DKK2: variants seen among roughly 807,000 people sequenced by gnomAD.
DKK2 encodes the protein dickkopf-related protein 2.
A neutral mutation model predicts 28.1 loss-of-function variants in DKK2; 11 were observed. The ratio of observed to expected loss-of-function variants is 0.39; its 90% CI spans 0.25 to 0.65. The LOEUF (loss-of-function observed/expected upper bound fraction) is 0.65. Ranked by LOEUF, DKK2 falls within the 30% of genes least tolerant of loss-of-function variation. DKK2 has a pLI of 0.47. For synonymous variants in DKK2, 135 were observed against 126.5 expected (o/e 1.07, Z -0.45); for missense variants, 326 against 335.5 (o/e 0.97, Z 0.22).
Position 107,035,952 on chromosome 4 carries a change from C to A in DKK2, c.-361G>T, listed in dbSNP as rs991539402. 9.2e-5 allele frequency: 27 copies of A among 293,052 alleles called. No individual in the cohort carries two copies. In the South Asian group the frequency reaches 1.2e-3, roughly 13 times the overall value. The allele number at this position is 293,052 out of a possible 1,614,324, so 18.2% of individuals were successfully genotyped here. The stretch of plus-strand genomic sequence containing the variant: ...TTCTTGCCCCGCACCTCCTTGGTCC[C>A]GCCGGGATCTCGGCGGTTTAACTCT... On this transcript the variant is annotated 5_prime_UTR_variant, in exon 1 of 4. Coordinates refer to ENST00000285311, the MANE Select transcript of DKK2 (RefSeq NM_014421.3).
chr4:107,013,211 G>C (rs1450864708), intron 1 of DKK2, among the ~76,000 whole-genome samples: 1 of 151,112 alleles, frequency 6.6e-6, no homozygotes, highest in Non-Finnish European at 1.5e-5. Flanking sequence ...GAACCACAAA[G>C]GATCCTGAAT....
chr4:106,944,447 C>T (rs1724749054), intron 1 of DKK2, among the ~76,000 whole-genome samples: 1 of 152,024 alleles, frequency 6.6e-6, no homozygotes, highest in Admixed American at 6.6e-5. Flanking sequence ...TCTCATTATG[C>T]CCATGCTTAT....
intron 1 of DKK2, among the ~76,000 whole-genome samples, chr4:106,998,721 G>A (rs903141965): frequency 2.6e-5 from 4 of 151,958 alleles, no homozygotes; most frequent in African/African-American, 7.3e-5. Flanking sequence ...AAAAATTGCC[G>A]TATGTTCTTT....
Position 106,963,814 on chromosome 4 carries a change from G to A in DKK2, c.223-37865C>T, listed in dbSNP as rs368831552. Among the ~76,000 whole-genome samples the A allele has an allele frequency of 3.9e-5, 6 of 152,200 alleles. 1 individual carries two copies. Among genetic ancestry groups the A allele is most frequent in the Admixed American group, 1.3e-4 (2 of 15,270 alleles). On this transcript the variant is annotated intron_variant, in intron 1 of 3. Coordinates refer to ENST00000285311, the MANE Select transcript of DKK2 (RefSeq NM_014421.3). ...TGGATGAATTGATAAAGAAAATGGG[G>A]TACATTTCTATAGCCACCTTATTGT...
At chr4:106,959,084 A>G (rs1222999408) in intron 1 of DKK2, among the ~76,000 whole-genome samples, 1 of 152,136 alleles carries the variant, frequency 6.6e-6, no homozygotes, top group East Asian at 1.9e-4. Flanking sequence ...TTAAAAATTG[A>G]TTATATCAAG....
chr4:106,995,352 T>A (rs7690634), intron 1 of DKK2, among the ~76,000 whole-genome samples: 22,798 of 152,126 alleles, frequency 0.15, 1,762 homozygotes, highest in Admixed American at 0.22. Context: ...TATCTCAGAA[T>A]TGTCACCAAT....
chr4:107,019,623 T>C (rs1723663083), intron 1 of DKK2, among the ~76,000 whole-genome samples: 2 of 152,102 alleles, frequency 1.3e-5, no homozygotes. Flanking sequence ...AGTATACTGA[T>C]ACCACATTTA....
intron 1 of DKK2, among the ~76,000 whole-genome samples, chr4:107,007,056 C>T (rs1339306958): frequency 2.6e-5 from 4 of 151,648 alleles, no homozygotes; most frequent in African/African-American, 9.7e-5. Flanking sequence ...TGAAAGTCTT[C>T]AGAGATAATG....
intron 1 of DKK2, among the ~76,000 whole-genome samples, chr4:106,972,421 TAA>T (rs71590172): frequency 2.2e-5 from 3 of 138,182 alleles, no homozygotes; most frequent in Non-Finnish European, 3.2e-5. Context: ...AATGAAAATC[TAA>T]AAAAAAAAAA....
At chr4:107,006,997 C>T (rs983845503) in intron 1 of DKK2, among the ~76,000 whole-genome samples, 1 of 144,754 alleles carries the variant, frequency 6.9e-6, no homozygotes, top group African/African-American at 2.5e-5. Context: ...AAGAACAGTC[C>T]TTTTTTTTTT....
chr4:107,008,310 T>G (rs1723466809), intron 1 of DKK2, among the ~76,000 whole-genome samples: 3 of 152,090 alleles, frequency 2.0e-5, no homozygotes, highest in African/African-American at 7.2e-5. Context: ...GATAAGATCT[T>G]TCAGTTTGAG....
chr4:107,010,029 A>C (rs1293060561), intron 1 of DKK2, among the ~76,000 whole-genome samples: 3 of 151,772 alleles, frequency 2.0e-5, no homozygotes, highest in Non-Finnish European at 4.4e-5. Context: ...CCATCTGTGA[A>C]GTTTACCATC....
intron 1 of DKK2, among the ~76,000 whole-genome samples, chr4:107,033,043 AT>A (rs1227723740): frequency 6.6e-6 from 1 of 151,464 alleles, no homozygotes; most frequent in African/African-American, 2.4e-5. Flanking sequence ...CAAAGAGAAA[AT>A]ATTTTACTAT....
Position 107,009,381 on chromosome 4 carries a change from A to G in DKK2, c.222+25989T>C, listed in dbSNP as rs113983645. Among the ~76,000 whole-genome samples, 1,410 of 152,128 alleles carry G rather than the reference A, an allele frequency of 9.3e-3. 23 individuals are homozygous for G. The highest frequency in any genetic ancestry group is 0.032 in the African/African-American group (1,332 of 41,550). On this transcript the variant is annotated intron_variant, in intron 1 of 3. Coordinates refer to ENST00000285311, the MANE Select transcript of DKK2 (RefSeq NM_014421.3). Reference sequence around the variant, plus strand: ...TAGCTAATCTGGACTGGCAGCAATCAGAACCACTGAAACTTGGCACAGCCG... The same window carrying G: ...TAGCTAATCTGGACTGGCAGCAATCGGAACCACTGAAACTTGGCACAGCCG...
At chr4:106,977,216 C>T (rs542563032) in intron 1 of DKK2, among the ~76,000 whole-genome samples, 3 of 152,168 alleles carry the variant, frequency 2.0e-5, no homozygotes, top group Admixed American at 2.0e-4. Flanking sequence ...AATTATGTGT[C>T]GTGGGGTTGC....
At chr4:107,018,840 C>T (rs747669110) in intron 1 of DKK2, among the ~76,000 whole-genome samples, 9 of 151,994 alleles carry the variant, frequency 5.9e-5, no homozygotes, top group Non-Finnish European at 1.0e-4. Context: ...AAACTGACAT[C>T]TAAAAAAGTA....
chr4:106,980,269 A>T (rs11735740), intron 1 of DKK2, among the ~76,000 whole-genome samples: 4,850 of 152,142 alleles, frequency 0.032, 109 homozygotes, highest in South Asian at 0.056. Flanking sequence ...ACATCTATAT[A>T]CTTACATATA....
At chr4:106,975,716 G>A (rs922837241) in intron 1 of DKK2, among the ~76,000 whole-genome samples, 1 of 152,020 alleles carries the variant, frequency 6.6e-6, no homozygotes, top group East Asian at 1.9e-4. Flanking sequence ...ATTTTTGGAA[G>A]GATTTTTCAT....
At position 106,924,549 on chromosome 4, in the gene DKK2, TATATGTGACATCTTAGTGTG is replaced by T. The variant is rs1327022959; in HGVS notation, c.505_524del (p.His169LysfsTer4). 1 of 1,613,516 alleles carries T rather than the reference TATATGTGACATCTTAGTGTG, an allele frequency of 6.2e-7. No homozygotes were observed. On this transcript the variant is annotated frameshift_variant, in exon 3 of 4. Transcript: ENST00000285311. LOFTEE classifies it high-confidence loss of function. ...CAGAACTACAGATATCCCTACCTTT[TATATGTGACATCTTAGTGTG>T]TGGTCTTCCTAGATTCTGCCATCCC... is the stretch of plus-strand genomic sequence containing the variant.
Sources: allele counts gnomAD v4.1 joint callset (sites outside exome capture counted in the v4.1 genomes callset), GRCh38; gene constraint gnomAD v4.1.1; transcripts MANE v1.5; gene names NCBI Gene and HGNC (gene_info 2026-07-23, HGNC 2026-07-21).